Variants in MARCHF1 observed in about 807,000 individuals in gnomAD.
MARCHF1 encodes E3 ubiquitin-protein ligase MARCHF1.
In MARCHF1, 40 loss-of-function variants were observed where a neutral mutation model predicts 54.2. The ratio of observed to expected loss-of-function variants is 0.74; its 90% CI spans 0.57 to 0.96. The LOEUF (loss-of-function observed/expected upper bound fraction) is 0.96. MARCHF1 is among the 40% of genes least tolerant of loss of function. MARCHF1 has a pLI of 0.00. For synonymous variants in MARCHF1, 236 were observed against 236.3 expected (o/e 1.00, Z 0.01); for missense variants, 586 against 656.5 (o/e 0.89, Z 1.17).
intron 1 of MARCHF1, among the ~76,000 whole-genome samples, chr4:164,367,039 G>A (rs572942678): frequency 3.3e-5 from 5 of 152,138 alleles, no homozygotes; most frequent in South Asian, 2.1e-4. Context: ...GTTACCAAAC[G>A]GAGAAAATCT....
intron 1 of MARCHF1, among the ~76,000 whole-genome samples, chr4:164,164,491 C>T (rs1280798490): frequency 6.6e-6 from 1 of 151,874 alleles, no homozygotes; most frequent in East Asian, 1.9e-4. Context: ...CATTCAGACC[C>T]AGCAAGTAAA....
chr4:164,053,479 G>A (rs1754417581), intron 2 of MARCHF1, among the ~76,000 whole-genome samples: 1 of 152,118 alleles, frequency 6.6e-6, no homozygotes, highest in African/African-American at 2.4e-5. Context: ...TGCTTGGCTG[G>A]GCAACATTTG....
chr4:164,374,259 T>C (rs1731121141), intron 1 of MARCHF1, among the ~76,000 whole-genome samples: 2 of 152,124 alleles, frequency 1.3e-5, no homozygotes, highest in East Asian at 3.9e-4. Flanking sequence ...TTTTTTTAAG[T>C]TTTGCTTTAA....
intron 3 of MARCHF1, among the ~76,000 whole-genome samples, chr4:163,950,681 G>A (rs1011579576): frequency 2.6e-5 from 4 of 152,186 alleles, no homozygotes; most frequent in African/African-American, 9.7e-5. Flanking sequence ...TCATGGCAGC[G>A]GCTGCTCCAG....
At chr4:164,201,208 GGTTTTGTTTTGTTTT>G (rs5863670) in intron 1 of MARCHF1, among the ~76,000 whole-genome samples, 11 of 150,728 alleles carry the variant, frequency 7.3e-5, no homozygotes, top group South Asian at 2.1e-4. Flanking sequence ...TGTTTTACAT[GGTTTTGTTTTGTTTT>G]GTTTTGTTTT....
intron 1 of MARCHF1, among the ~76,000 whole-genome samples, chr4:164,272,242 T>C (rs1459496876): frequency 6.6e-6 from 1 of 152,016 alleles, no homozygotes; most frequent in Non-Finnish European, 1.5e-5. Flanking sequence ...AGTATGTATA[T>C]GCAGTGACTC....
chr4:164,164,400 G>T (rs1369033509), intron 1 of MARCHF1, among the ~76,000 whole-genome samples: 2 of 151,762 alleles, frequency 1.3e-5, no homozygotes, highest in South Asian at 4.2e-4. Flanking sequence ...ATGACAAAAT[G>T]GCATAAGACA....
chr4:164,241,816 A>AG, intron 1 of MARCHF1, among the ~76,000 whole-genome samples: 1 of 152,170 alleles, frequency 6.6e-6, no homozygotes, highest in East Asian at 1.9e-4. Context: ...CTCACTTGGG[A>AG]AGCACAAGAG....
intron 4 of MARCHF1, among the ~76,000 whole-genome samples, chr4:163,816,792 T>G (rs1252330210): frequency 2.0e-5 from 3 of 152,244 alleles, no homozygotes; most frequent in African/African-American, 4.8e-5. Context: ...ACTACCTCCA[T>G]AAAGGGTTAC....
intron 8 of MARCHF1, among the ~76,000 whole-genome samples, chr4:163,551,818 T>A (rs985189778): frequency 6.6e-6 from 1 of 152,194 alleles, no homozygotes; most frequent in Non-Finnish European, 1.5e-5. Flanking sequence ...TCTTGCCTGC[T>A]GCCGTGTAAG....
At chr4:163,642,188 GATTGGGCTT>G (rs1157511849) in intron 5 of MARCHF1, among the ~76,000 whole-genome samples, 2 of 152,174 alleles carry the variant, frequency 1.3e-5, no homozygotes, top group African/African-American at 4.8e-5. Context: ...CGGTGCCAGT[GATTGGGCTT>G]ATTTTTGCCT....
chr4:164,014,661 A>T (rs1477007311), intron 2 of MARCHF1, among the ~76,000 whole-genome samples: 2 of 152,182 alleles, frequency 1.3e-5, no homozygotes, highest in Admixed American at 1.3e-4. Flanking sequence ...CTTCACCTAT[A>T]AAAACACATA....
chr4:163,617,048 T>C (rs1448814393), intron 5 of MARCHF1, among the ~76,000 whole-genome samples: 1 of 152,136 alleles, frequency 6.6e-6, no homozygotes, highest in Non-Finnish European at 1.5e-5. Context: ...ATGTGATATA[T>C]ATGCATAATA....
chr4:164,255,895 A>G (rs1367882791), intron 1 of MARCHF1, among the ~76,000 whole-genome samples: 1 of 152,158 alleles, frequency 6.6e-6, no homozygotes, highest in East Asian at 1.9e-4. Flanking sequence ...GACATAATAA[A>G]CTTAATTGCT....
chr4:163,652,280 T>G (rs1193784349), intron 5 of MARCHF1, among the ~76,000 whole-genome samples: 1 of 151,878 alleles, frequency 6.6e-6, no homozygotes, highest in Non-Finnish European at 1.5e-5. Flanking sequence ...AAAACACTTC[T>G]ATAGCTCCCT....
intron 2 of MARCHF1, among the ~76,000 whole-genome samples, chr4:163,990,181 A>G (rs1442548833): frequency 6.6e-6 from 1 of 152,204 alleles, no homozygotes; most frequent in Non-Finnish European, 1.5e-5. Context: ...TGTATTTACA[A>G]CTTTGGTCCA....
chr4:164,048,287 C>G (rs1252837808), intron 2 of MARCHF1, among the ~76,000 whole-genome samples: 2 of 152,074 alleles, frequency 1.3e-5, no homozygotes, highest in Non-Finnish European at 2.9e-5. Context: ...AAGTGTAGCT[C>G]ACTACAGCAC....
At chr4:163,858,180 C>G (rs1749822403) in intron 3 of MARCHF1, among the ~76,000 whole-genome samples, 1 of 152,058 alleles carries the variant, frequency 6.6e-6, no homozygotes, top group Admixed American at 6.6e-5. Flanking sequence ...ATATTAAACA[C>G]CATGAGCATG....
intron 1 of MARCHF1, among the ~76,000 whole-genome samples, chr4:164,242,812 C>T (rs1409123208): frequency 1.3e-5 from 2 of 151,690 alleles, no homozygotes; most frequent in Non-Finnish European, 2.9e-5. Context: ...AACCAAGGCT[C>T]GAGAACTACG....
Sources: gnomAD v4.1 joint callset for allele counts (sites outside exome capture counted in the v4.1 genomes callset) on GRCh38, gnomAD v4.1.1 for gene constraint, MANE v1.5 for transcripts, NCBI Gene and HGNC (gene_info 2026-07-23, HGNC 2026-07-21) for gene names.